The following DRC9 variants were observed in gnomAD, a reference collection of about 807,000 sequenced individuals.
DRC9 encodes dynein regulatory complex subunit 9, also known as dynein regulatory complex protein 9.
the DRC9 span, among the ~76,000 whole-genome samples, chr3:197,896,663 G>A: frequency 4.6e-5 from 7 of 152,294 alleles, no homozygotes; most frequent in East Asian, 1.9e-4. Flanking sequence ...GGCAAATCCC[G>A]TGTCTGGTGA....
chr3:197,898,371 T>C, the DRC9 span, among the ~76,000 whole-genome samples: 1 of 152,154 alleles, frequency 6.6e-6, no homozygotes, highest in Non-Finnish European at 1.5e-5. Flanking sequence ...TTACATGCAT[T>C]TACTAGAAAA....
the DRC9 span, among the ~76,000 whole-genome samples, chr3:197,930,398 T>C: frequency 6.6e-6 from 1 of 151,838 alleles, no homozygotes; most frequent in African/African-American, 2.4e-5. Flanking sequence ...AGCATAACAT[T>C]TTGAAAAATT....
the DRC9 span, chr3:197,952,538 A>C: frequency 6.6e-6 from 1 of 151,678 alleles, no homozygotes; most frequent in African/African-American, 2.4e-5. Context: ...CTTGTTATCC[A>C]GGCTAAAGTG....
chr3:197,926,347 T>C, the DRC9 span, among the ~76,000 whole-genome samples: 1 of 152,130 alleles, frequency 6.6e-6, no homozygotes, highest in East Asian at 1.9e-4. Flanking sequence ...TTTAATAGAT[T>C]GGAGGAAGAT....
the DRC9 span, chr3:197,953,563 A>G: frequency 2.2e-6 from 1 of 457,340 alleles, no homozygotes; most frequent in East Asian, 6.9e-5. Context: ...TGCCTGCGCT[A>G]GTCATCCCGT....
At chr3:197,891,477 T>G in the DRC9 span, 1 of 1,602,074 alleles carries the variant, frequency 6.2e-7, no homozygotes. Flanking sequence ...CAAGAGATCC[T>G]GTTTTACCTT....
chr3:197,950,956 C>A, the DRC9 span: 1 of 1,614,080 alleles, frequency 6.2e-7, no homozygotes, highest in East Asian at 2.2e-5. Flanking sequence ...AACGGGACTT[C>A]TAAAAGGAAC....
the DRC9 span, among the ~76,000 whole-genome samples, chr3:197,954,655 G>A: frequency 1.1e-3 from 160 of 152,234 alleles, no homozygotes; most frequent in African/African-American, 3.7e-3. Context: ...AATTACAGGC[G>A]TATATACCAC....
At chr3:197,950,731 G>C in the DRC9 span, 3 of 595,272 alleles carry the variant, frequency 5.0e-6, no homozygotes, top group Non-Finnish European at 8.9e-6. Context: ...TCATTCTGAA[G>C]TTTGCTTAGA....
chr3:197,951,589 G>A, the DRC9 span: 2 of 421,800 alleles, frequency 4.7e-6, no homozygotes, highest in East Asian at 5.1e-5. Context: ...CTGACCTTAG[G>A]TGATCCGCCC....
At chr3:197,913,362 G>A in the DRC9 span, 3 of 254,082 alleles carry the variant, frequency 1.2e-5, no homozygotes, top group Admixed American at 1.0e-4. Flanking sequence ...GCGTGCGTGC[G>A]TGTGTGCCAT....
the DRC9 span, among the ~76,000 whole-genome samples, chr3:197,915,601 C>A: frequency 6.6e-6 from 1 of 152,148 alleles, no homozygotes. Context: ...CCGAGACCTG[C>A]TCCTCTAGAT....
the DRC9 span, chr3:197,950,847 G>C: frequency 8.3e-7 from 1 of 1,209,762 alleles, no homozygotes; most frequent in Non-Finnish European, 1.2e-6. Context: ...CCATCCAAAA[G>C]GAATTTGCTT....
the DRC9 span, among the ~76,000 whole-genome samples, chr3:197,890,211 C>T: frequency 1.3e-5 from 2 of 151,950 alleles, no homozygotes; most frequent in Non-Finnish European, 2.9e-5. Flanking sequence ...GCCTGGGCAA[C>T]ATGGCAAGAC....
chr3:197,941,144 T>C, the DRC9 span, among the ~76,000 whole-genome samples: 5 of 146,688 alleles, frequency 3.4e-5, no homozygotes, highest in Admixed American at 1.3e-4. Flanking sequence ...CCTTCCTTCC[T>C]TCCCTCCCTC....
chr3:197,930,047 T>G, the DRC9 span, among the ~76,000 whole-genome samples: 1 of 151,848 alleles, frequency 6.6e-6, no homozygotes, highest in African/African-American at 2.4e-5. Context: ...ACAACTATAA[T>G]TAATGTTCTT....
the DRC9 span, chr3:197,955,735 C>G: frequency 6.3e-7 from 1 of 1,597,354 alleles, no homozygotes. Flanking sequence ...GTTTTGTGTT[C>G]TTTTTTCCCT....
chr3:197,925,130 AC>A, the DRC9 span, among the ~76,000 whole-genome samples: 1 of 151,914 alleles, frequency 6.6e-6, no homozygotes, highest in African/African-American at 2.4e-5. Context: ...ATGTGAGAGT[AC>A]AAGAGACTGC....
the DRC9 span, among the ~76,000 whole-genome samples, chr3:197,926,832 T>C: frequency 6.6e-6 from 1 of 152,296 alleles, no homozygotes; most frequent in East Asian, 1.9e-4. Flanking sequence ...GGGTCAGCCT[T>C]GCACTGGTTC....
Sources: gnomAD v4.1 joint callset for allele counts (sites outside exome capture counted in the v4.1 genomes callset) on GRCh38, gnomAD v4.1.1 for gene constraint, MANE v1.5 for transcripts, NCBI Gene and HGNC (gene_info 2026-07-23, HGNC 2026-07-21) for gene names.